TXLNB: variants seen among roughly 807,000 people sequenced by gnomAD.
The protein encoded by TXLNB is taxilin beta.
A neutral mutation model predicts 57.4 loss-of-function variants in TXLNB; 37 were observed. That is an observed-to-expected ratio of 0.64 (90% CI 0.50 to 0.85). The LOEUF (loss-of-function observed/expected upper bound fraction) is 0.85, where lower values mean the gene tolerates loss of function less well. Among genes scored for constraint, TXLNB ranks in the 40% least tolerant of loss-of-function variants. The probability of loss-of-function intolerance (pLI) is 0.00; values close to 1 mark genes in which losing one functional copy is unlikely to be tolerated. For synonymous variants in TXLNB, 302 were observed against 309.6 expected, an observed-to-expected ratio of 0.98 and a Z score of 0.26; for missense variants, 848 against 825.6, an observed-to-expected ratio of 1.03 and a Z score of -0.33.
At chr6:139,289,960 G>A (rs1197742655) in intron 1 of TXLNB, among the ~76,000 whole-genome samples, 1 of 152,140 alleles carries the variant, frequency 6.6e-6, no homozygotes, top group Non-Finnish European at 1.5e-5. Context: ...CTGGATAGAG[G>A]AGACATTTCT....
chr6:139,243,907 A>C (rs879803107), intron 9 of TXLNB, among the ~76,000 whole-genome samples: 2 of 152,202 alleles, frequency 1.3e-5, no homozygotes, highest in Non-Finnish European at 2.9e-5. Context: ...TTTCCTCTAG[A>C]AATGTCTATT....
rs1028705451 is a variant in TXLNB at position 139,247,986 on chromosome 6, T to C, written c.1078-77A>G. ...TGTCATTGTTCATTATTTAAAGGAATTCTCAATATAGTATTAGTAATATGT... is the reference window on the plus strand; with the variant it reads ...TGTCATTGTTCATTATTTAAAGGAACTCTCAATATAGTATTAGTAATATGT... On this transcript the variant is annotated intron_variant, in intron 7 of 9. Coordinates refer to ENST00000358430, the MANE Select transcript of TXLNB (RefSeq NM_153235.4). The C allele has an allele frequency of 5.2e-5, 43 of 832,274 alleles. No homozygotes were observed. The African/African-American group carries it at 7.2e-4, about 14-fold the overall frequency. The allele number at this position is 832,274 out of a possible 1,614,324, so 51.6% of individuals were successfully genotyped here.
chr6:139,270,609 A>C lies in TXLNB; in HGVS notation c.534T>G (p.Thr178=). 1 of 1,614,118 alleles carries C rather than the reference A, an allele frequency of 6.2e-7. No homozygotes were observed. The highest frequency in any genetic ancestry group is 1.1e-5 in the South Asian group (1 of 91,082). The change falls in exon 4 of 10, where the codon ACT becomes ACG. Residue 178 remains threonine (T), a synonymous_variant. Coordinates refer to ENST00000358430, the MANE Select transcript of TXLNB (RefSeq NM_153235.4). ...GGAGGAGCTTTAACTTCTTTTGCTC[A>C]GTACGATGTTCATCCAGCTGTACAC... ...KYAELLDEHR[T]EQKKLKLLQK...
the TXLNB span, among the ~76,000 whole-genome samples, chr6:139,211,743 C>T: frequency 0.033 from 5,087 of 152,124 alleles, 279 homozygotes; most frequent in African/African-American, 0.11. Flanking sequence ...AAAAATTAGA[C>T]GAATGGATAA....
At chr6:139,197,315 T>C in the TXLNB span, among the ~76,000 whole-genome samples, 1 of 151,984 alleles carries the variant, frequency 6.6e-6, no homozygotes, top group South Asian at 2.1e-4. Context: ...TTATGTATCA[T>C]ATTTGTTGTC....
the TXLNB span, among the ~76,000 whole-genome samples, chr6:139,189,070 C>G: frequency 6.6e-6 from 1 of 152,146 alleles, no homozygotes; most frequent in Non-Finnish European, 1.5e-5. Context: ...ATTTCTTTAA[C>G]CTCGTATTCT....
At chr6:139,226,302 C>CAAAAAAA in the TXLNB span, among the ~76,000 whole-genome samples, 6 of 39,240 alleles carry the variant, frequency 1.5e-4, no homozygotes, top group Admixed American at 4.7e-4. Context: ...GACCCTGTCT[C>CAAAAAAA]AAAAAAAAAA....
chr6:139,252,815 C>A (rs1399911294), intron 7 of TXLNB, among the ~76,000 whole-genome samples: 2 of 152,172 alleles, frequency 1.3e-5, no homozygotes, highest in African/African-American at 4.8e-5. Context: ...CACGGTGAAA[C>A]CCTGTCTCTA....
the TXLNB span, among the ~76,000 whole-genome samples, chr6:139,204,396 T>G: frequency 2.0e-5 from 3 of 152,140 alleles, no homozygotes; most frequent in Non-Finnish European, 4.4e-5. Context: ...GGAGGCACTC[T>G]GCAGCACTCC....
the TXLNB span, chr6:139,178,958 C>G: frequency 6.6e-6 from 1 of 152,162 alleles, no homozygotes; most frequent in African/African-American, 2.4e-5. Flanking sequence ...TAATATCATT[C>G]ATCTTTCAGT....
upstream of TXLNB, among the ~76,000 whole-genome samples, chr6:139,292,719 G>T (rs781144613): frequency 7.2e-5 from 11 of 152,094 alleles, no homozygotes; most frequent in Non-Finnish European, 1.5e-4. This position sits in a 1 kb window ranked among gnomAD's most constrained non-coding sequence, Gnocchi z 4.0. Context: ...TCCTTAGTTG[G>T]TGGCTTTCCC....
At chr6:139,205,618 CAGACAA>C in the TXLNB span, among the ~76,000 whole-genome samples, 2 of 150,618 alleles carry the variant, frequency 1.3e-5, no homozygotes, top group African/African-American at 4.9e-5. Flanking sequence ...TTAACCCAAT[CAGACAA>C]AGACAAAGAA....
At chr6:139,216,925 G>C in the TXLNB span, among the ~76,000 whole-genome samples, 2 of 152,120 alleles carry the variant, frequency 1.3e-5, no homozygotes, top group African/African-American at 4.8e-5. Flanking sequence ...TACACTGCTC[G>C]GGTGTACCTG....
At chr6:139,184,455 T>C in the TXLNB span, among the ~76,000 whole-genome samples, 1 of 152,212 alleles carries the variant, frequency 6.6e-6, no homozygotes, top group Non-Finnish European at 1.5e-5. Flanking sequence ...AAAAGAACAC[T>C]TTCTCAAAGG....
the TXLNB span, among the ~76,000 whole-genome samples, chr6:139,195,795 C>G: frequency 1.3e-5 from 2 of 152,122 alleles, no homozygotes; most frequent in Non-Finnish European, 2.9e-5. Flanking sequence ...TGTATGCTAA[C>G]TTGAGTTATT....
Position 139,255,654 on chromosome 6 carries a change from G to A in TXLNB, c.1003-16C>T. 6.2e-7 allele frequency: 1 copy of A among 1,608,750 alleles called. No individual in the cohort carries two copies. The highest frequency in any genetic ancestry group is 1.3e-5 in the African/African-American group (1 of 74,866). On this transcript the variant is annotated splice_polypyrimidine_tract_variant and intron_variant, in intron 6 of 9. Transcript: ENST00000358430. Reference sequence around the variant, plus strand: ...GGTTCAGCAACTATGAGAAGAGAGAGTGTGTGGAAAGATGGTCAGATTTGC... The same window carrying A: ...GGTTCAGCAACTATGAGAAGAGAGAATGTGTGGAAAGATGGTCAGATTTGC...
rs1420056003 is a variant in TXLNB, at chr6:139,241,557, T to C, written c.*969A>G. 6.6e-6 allele frequency: 1 copy of C among 152,216 alleles called. No individual in the cohort carries two copies. Among genetic ancestry groups the C allele is most frequent in the Non-Finnish European group, 1.5e-5 (1 of 68,056 alleles). The allele number at this position is 152,216 out of a possible 1,614,324, so 9.4% of individuals were successfully genotyped here. ...AGCTCCCCTTTCCCACTTCCAACCG[T>C]TTCCTTGCAGGAAGCCTGGAATGGG... is the stretch of plus-strand genomic sequence containing the variant. On this transcript the variant is annotated 3_prime_UTR_variant, in exon 10 of 10. Transcript: ENST00000358430.
chr6:139,181,461 G>A, the TXLNB span, among the ~76,000 whole-genome samples: 2 of 152,278 alleles, frequency 1.3e-5, no homozygotes, highest in African/African-American at 4.8e-5. Flanking sequence ...TGCTGTAGAC[G>A]TCCCACGCCT....
At chr6:139,228,860 T>G in the TXLNB span, among the ~76,000 whole-genome samples, 1 of 152,150 alleles carries the variant, frequency 6.6e-6, no homozygotes, top group African/African-American at 2.4e-5. Context: ...CTGCCCCACT[T>G]TCAACCCAGT....
Sources: gnomAD v4.1 joint callset for allele counts (sites outside exome capture counted in the v4.1 genomes callset) on GRCh38, gnomAD v4.1.1 for gene constraint, Gnocchi (gnomAD v3.1) non-coding constraint, MANE v1.5 for transcripts, NCBI Gene and HGNC (gene_info 2026-07-23, HGNC 2026-07-21) for gene names.